Variants in MYO1D observed in about 807,000 individuals in gnomAD.
The protein encoded by MYO1D is myosin ID.
In MYO1D, 83 loss-of-function variants were observed where a neutral mutation model predicts 122.0. The ratio of observed to expected loss-of-function variants is 0.68; its 90% CI spans 0.57 to 0.82. The LOEUF (loss-of-function observed/expected upper bound fraction) is 0.82, where lower values mean the gene tolerates loss of function less well. Among genes scored for constraint, MYO1D ranks in the 40% least tolerant of loss-of-function variants. MYO1D has a pLI of 0.00. For missense variants in MYO1D, 1,157 were observed against 1,269.5 expected, an observed-to-expected ratio of 0.91 and a Z score of 1.35; for synonymous variants, 464 against 446.9, an observed-to-expected ratio of 1.04 and a Z score of -0.48.
intron 1 of MYO1D, among the ~76,000 whole-genome samples, chr17:32,869,455 A>G (rs1036646406): frequency 9.2e-5 from 14 of 152,244 alleles, no homozygotes; most frequent in Non-Finnish European, 1.8e-4. Context: ...GCGGAGCTGG[A>G]GCCACTGCTG....
At chr17:32,849,597 G>C (rs1186473927) in intron 1 of MYO1D, among the ~76,000 whole-genome samples, 1 of 151,324 alleles carries the variant, frequency 6.6e-6, no homozygotes, top group Non-Finnish European at 1.5e-5. Context: ...TTCTCACATA[G>C]GTGGGAATTG....
At chr17:32,582,065 C>A (rs907704695) in intron 21 of MYO1D, among the ~76,000 whole-genome samples, 5 of 152,036 alleles carry the variant, frequency 3.3e-5, no homozygotes, top group Admixed American at 2.0e-4. Context: ...CGTGAGGCAC[C>A]ATGGCTGGCT....
At chr17:32,780,029 C>T (rs933055105) in intron 2 of MYO1D, among the ~76,000 whole-genome samples, 9 of 152,096 alleles carry the variant, frequency 5.9e-5, no homozygotes, top group African/African-American at 1.9e-4. Flanking sequence ...CTCCCCTTAA[C>T]GTAGGCAGTT....
intron 16 of MYO1D, among the ~76,000 whole-genome samples, chr17:32,698,258 C>CCTTCCTTCCTT (rs371549342): frequency 2.0e-5 from 3 of 150,704 alleles, no homozygotes; most frequent in South Asian, 2.1e-4. Flanking sequence ...TTTTCTTTTT[C>CCTTCCTTCCTT]CTTCCTTCCT....
intron 19 of MYO1D, among the ~76,000 whole-genome samples, chr17:32,649,590 G>A (rs963380841): frequency 1.9e-4 from 9 of 48,036 alleles, no homozygotes; most frequent in African/African-American, 7.5e-4. Context: ...TTTTTTTTTT[G>A]AGACAGAGTC....
chr17:32,658,039 T>C (rs2088501834), intron 17 of MYO1D, among the ~76,000 whole-genome samples: 3 of 152,306 alleles, frequency 2.0e-5, no homozygotes, highest in Admixed American at 1.3e-4. Flanking sequence ...CCTGCCAAGA[T>C]TGAAAACTAA....
At chr17:32,801,985 G>T (rs1344811648) in intron 1 of MYO1D, among the ~76,000 whole-genome samples, 1 of 152,222 alleles carries the variant, frequency 6.6e-6, no homozygotes, top group African/African-American at 2.4e-5. Flanking sequence ...GTTTATTGTG[G>T]AAAATAAGGA....
intron 1 of MYO1D, 50 bp downstream of exon 1, chr17:32,876,728 C>T: frequency 6.9e-7 from 1 of 1,439,670 alleles, no homozygotes; most frequent in Non-Finnish European, 9.3e-7. Flanking sequence ...GGCGCCCCCT[C>T]TCGGGAAAGC....
chr17:32,649,948 T>C (rs936045460), intron 19 of MYO1D, among the ~76,000 whole-genome samples: 1 of 152,234 alleles, frequency 6.6e-6, no homozygotes, highest in East Asian at 1.9e-4. Context: ...TTATGAATTA[T>C]GCTGCCATAA....
intron 13 of MYO1D, among the ~76,000 whole-genome samples, chr17:32,741,088 T>G (rs2089766823): frequency 6.6e-6 from 1 of 151,740 alleles, no homozygotes; most frequent in Non-Finnish European, 1.5e-5. Flanking sequence ...TATTGCTGGG[T>G]GTAGTGGTGC....
intron 1 of MYO1D, among the ~76,000 whole-genome samples, chr17:32,860,799 T>C (rs1345645165): frequency 6.6e-6 from 1 of 152,208 alleles, no homozygotes; most frequent in Non-Finnish European, 1.5e-5. Context: ...TTCATGCATC[T>C]ATACAACAGT....
intron 1 of MYO1D, among the ~76,000 whole-genome samples, chr17:32,782,606 C>T (rs1331478397): frequency 6.6e-6 from 1 of 152,164 alleles, no homozygotes; most frequent in Non-Finnish European, 1.5e-5. Context: ...CACAACAATC[C>T]TTACACATGA....
chr17:32,605,641 C>T (rs1458286732), intron 20 of MYO1D, among the ~76,000 whole-genome samples: 1 of 151,276 alleles, frequency 6.6e-6, no homozygotes, highest in Non-Finnish European at 1.5e-5. Context: ...ACCTCTAGCC[C>T]AAAACAAAAA....
chr17:32,709,131 T>G (rs927212928), intron 16 of MYO1D, among the ~76,000 whole-genome samples: 1 of 152,156 alleles, frequency 6.6e-6, no homozygotes, highest in Non-Finnish European at 1.5e-5. Flanking sequence ...AAAAGAGGAA[T>G]CTACCGGGCA....
At position 32,605,198 on chromosome 17, in the gene MYO1D, A is replaced by G; in HGVS notation, c.2753T>C (p.Val918Ala). Residue 918 changes from valine to alanine, a missense_variant, in exon 21 of 22, where the codon GTG becomes GCG. By Grantham distance (64) the Val-to-Ala change is moderately conservative. Transcript: ENST00000318217. ...GTCTTTGTTGTCTTTCGTATGGAAC[A>G]CTACAAGTTGGTCCTTTCCATTGGA... The part of the protein sequence containing the change: ...SVSNGKDQLV[V>A]FHTKDNKDLI... 6.3e-7 allele frequency: 1 copy of G among 1,598,930 alleles called. No homozygotes were observed. Among genetic ancestry groups the G allele is most frequent in the Non-Finnish European group, 8.6e-7 (1 of 1,168,384 alleles).
At chr17:32,508,907 A>C (rs1909590528) in intron 21 of MYO1D, among the ~76,000 whole-genome samples, 1 of 152,242 alleles carries the variant, frequency 6.6e-6, no homozygotes, top group Admixed American at 6.5e-5. Flanking sequence ...GAGCACTTTC[A>C]TGTCCCTATC....
chr17:32,588,382 C>T (rs1157354464), intron 21 of MYO1D, among the ~76,000 whole-genome samples: 1 of 152,192 alleles, frequency 6.6e-6, no homozygotes, highest in Non-Finnish European at 1.5e-5. Flanking sequence ...AGAGGGATGT[C>T]CTTCTCTGAT....
chr17:32,846,099 G>C (rs2090935606), intron 1 of MYO1D, among the ~76,000 whole-genome samples: 1 of 152,048 alleles, frequency 6.6e-6, no homozygotes, highest in South Asian at 2.1e-4. Flanking sequence ...CTTTTAATAG[G>C]ACTAAGATTT....
At chr17:32,815,276 A>G (rs2090604143) in intron 1 of MYO1D, among the ~76,000 whole-genome samples, 1 of 152,246 alleles carries the variant, frequency 6.6e-6, no homozygotes, top group African/African-American at 2.4e-5. Flanking sequence ...TTTGCTACAT[A>G]AACTACTGCT....
Sources: gnomAD v4.1 joint callset for allele counts (sites outside exome capture counted in the v4.1 genomes callset) on GRCh38, gnomAD v4.1.1 for gene constraint, MANE v1.5 for transcripts, NCBI Gene and HGNC (gene_info 2026-07-23, HGNC 2026-07-21) for gene names.